Variants in MCF2L observed in about 807,000 individuals in gnomAD.
MCF2L encodes the protein guanine nucleotide exchange factor DBS.
Under a neutral mutation model 153.4 loss-of-function variants are expected in MCF2L, and 97 were observed. That is an observed-to-expected ratio of 0.63 (90% CI 0.54 to 0.75). The LOEUF (loss-of-function observed/expected upper bound fraction) is 0.75, where lower values mean the gene tolerates loss of function less well. Among genes scored for constraint, MCF2L ranks in the 30% least tolerant of loss-of-function variants. The pLI, the probability that MCF2L is intolerant of heterozygous loss-of-function variation, is 0.00. For synonymous variants in MCF2L, 659 were observed against 632.2 expected (o/e 1.04, Z -0.64); for missense variants, 1,347 against 1,495.2 (o/e 0.90, Z 1.64).
rs1247704927 is a variant in MCF2L, at chr13:113,050,289, A to AGTGTGAGTGT, written c.369+4933_369+4934insAGTGTGTGTG. Reference sequence around the variant, plus strand: ...ATGTGTGTGAGACTGTGAGTGTGAGAGTGTGTGTGTGTGAGAGTGAGTGTG... The same window carrying AGTGTGAGTGT: ...ATGTGTGTGAGACTGTGAGTGTGAGAGTGTGAGTGTGTGTGTGTGTGTGAGAGTGAGTGTG... On this transcript the variant is annotated intron_variant, in intron 4 of 29. Coordinates refer to ENST00000535094, the MANE Select transcript of MCF2L (RefSeq NM_001112732.3). Among the ~76,000 whole-genome samples the AGTGTGAGTGT allele has an allele frequency of 6.0e-5, 9 of 149,804 alleles. No individual in the cohort carries two copies. In the East Asian group the frequency reaches 7.9e-4, roughly 13 times the overall value.
chr13:113,024,572 C>G lies in MCF2L; in HGVS notation c.164-72C>G, dbSNP rs138167522. On this transcript the variant is annotated intron_variant, in intron 2 of 29. Coordinates refer to ENST00000535094, the MANE Select transcript of MCF2L (RefSeq NM_001112732.3). ...CTGAAATACTGGGTGCTGATGAAAA[C>G]GGGCCGACATCTGTGGAACCCCCGG... is the stretch of plus-strand genomic sequence containing the variant. 4.2e-4 allele frequency: 375 copies of G among 895,014 alleles called. No homozygotes were observed. The African/African-American group carries it at 5.6e-3, about 13-fold the overall frequency. The allele number at this position is 895,014 out of a possible 1,614,324, so 55.4% of individuals were successfully genotyped here.
intron 1 of MCF2L, among the ~76,000 whole-genome samples, chr13:113,005,557 TGTGGTCTGTTTGTGGTGGCC>T (rs1001081400): frequency 6.6e-6 from 1 of 151,810 alleles, no homozygotes; most frequent in Non-Finnish European, 1.5e-5. Flanking sequence ...TCTGGGTGGC[TGTGGTCTGTTTGTGGTGGCC>T]GTGGTCTGTT....
intron 26 of MCF2L, among the ~76,000 whole-genome samples, chr13:113,091,392 A>G (rs1332037998): frequency 6.6e-6 from 1 of 151,928 alleles, no homozygotes; most frequent in African/African-American, 2.4e-5. Flanking sequence ...CTCTCAGCCA[A>G]CTCCTCACAG....
At chr13:113,057,329 G>A (rs2141698850) in intron 4 of MCF2L, among the ~76,000 whole-genome samples, 1 of 148,344 alleles carries the variant, frequency 6.7e-6, no homozygotes, top group African/African-American at 2.5e-5. Context: ...GCACTGAGTG[G>A]GTGCTGAGTG....
chr13:112,913,551 G>T (rs772894775), intron 2 of MCF2L, among the ~76,000 whole-genome samples: 2 of 152,104 alleles, frequency 1.3e-5, no homozygotes, highest in Non-Finnish European at 2.9e-5. Flanking sequence ...AAAATGCCTC[G>T]GTGTGAGAGG....
rs2993295 is a variant in MCF2L, at chr13:113,013,418, G to A, written c.80-1345G>A. ...GCTTCCCCCCCAACACCAGGGTTGT[G>A]TCTGGCTCGGAGGCAAAGCAGTCCC... On this transcript the variant is annotated intron_variant, in intron 1 of 29. Coordinates refer to ENST00000535094, the MANE Select transcript of MCF2L (RefSeq NM_001112732.3). Among the ~76,000 whole-genome samples the A allele has an allele frequency of 2.0e-4, 31 of 152,058 alleles. No individual in the cohort carries two copies. The South Asian group carries it at 6.2e-3, about 31-fold the overall frequency.
At chr13:112,985,871 G>C (rs542957929) in intron 1 of MCF2L, among the ~76,000 whole-genome samples, 12 of 152,278 alleles carry the variant, frequency 7.9e-5, no homozygotes, top group African/African-American at 2.9e-4. Context: ...CGAACACTTT[G>C]CTGGTCCCCT....
chr13:113,013,067 C>T (rs1270570020), intron 1 of MCF2L, among the ~76,000 whole-genome samples: 1 of 152,126 alleles, frequency 6.6e-6, no homozygotes, highest in African/African-American at 2.4e-5. Context: ...GGTTTCCTCT[C>T]AGGTCACAGT....
intron 2 of MCF2L, among the ~76,000 whole-genome samples, chr13:112,949,725 G>A (rs974497451): frequency 3.3e-5 from 5 of 150,308 alleles, no homozygotes; most frequent in African/African-American, 1.2e-4. Flanking sequence ...GGACAGATAG[G>A]AGTAGAGGGG....
intron 5 of MCF2L, among the ~76,000 whole-genome samples, chr13:113,062,042 C>A (rs934639515): frequency 6.7e-6 from 1 of 150,206 alleles, no homozygotes; most frequent in African/African-American, 2.5e-5. Flanking sequence ...CTGCATGGCA[C>A]CCATGGGGCT....
chr13:113,005,044 G>A (rs927480302), intron 1 of MCF2L, among the ~76,000 whole-genome samples: 4 of 152,184 alleles, frequency 2.6e-5, no homozygotes, highest in East Asian at 1.9e-4. Flanking sequence ...AGAGCCACCC[G>A]CCCTCCAGAG....
In MCF2L at chr13:113,012,162, C is replaced by T. The variant is rs1279594525; in HGVS notation, c.80-2601C>T. Among the ~76,000 whole-genome samples, 4 of 83,464 alleles carry T rather than the reference C, an allele frequency of 4.8e-5. 1 individual carries two copies. The highest frequency in any genetic ancestry group is 8.8e-5 in the African/African-American group (2 of 22,738). The allele number at this position is 83,464 out of a possible 152,430, so 54.8% of individuals were successfully genotyped here. A position where few individuals can be genotyped will look rare whatever the true frequency, so the allele number is the denominator to read the frequency against. On this transcript the variant is annotated intron_variant, in intron 1 of 29. Transcript: ENST00000535094. ...AGTGTGGACGGTGGACACTGTGATG[C>T]GGACGGTGGACAGGCAGTGTGGATG...
rs540242901 is a variant in MCF2L at position 112,960,032 on chromosome 13, C to T, written c.170-54731C>T. ...GCTGCGGCAGAGGTGCCTGTGTCAC[C>T]GAGGTCCCTCGGTAACTTCAGGGCA... On this transcript the variant is annotated intron_variant, in intron 2 of 29. Coordinates refer to the MCF2L transcript ENST00000375608. This position sits in a 1 kb window ranked among gnomAD's most constrained non-coding sequence, Gnocchi z 4.2. 7.9e-5 allele frequency among the ~76,000 whole-genome samples: 12 copies of T among 152,356 alleles called. No homozygotes were observed. The highest frequency in any genetic ancestry group is 1.2e-4 in the African/African-American group (5 of 41,586).
chr13:113,004,578 C>T (rs1460578364), intron 1 of MCF2L, among the ~76,000 whole-genome samples: 2 of 152,230 alleles, frequency 1.3e-5, no homozygotes, highest in East Asian at 1.9e-4. Context: ...CCTGCATCAC[C>T]GGCTGAATTG....
intron 29 of MCF2L, 24 bp from the exon 30 acceptor site, chr13:113,096,750 C>T (rs776885636): frequency 1.3e-6 from 2 of 1,559,824 alleles, no homozygotes; most frequent in Non-Finnish European, 1.7e-6. Context: ...CGCCGAAGCC[C>T]GTCCCCGCCT....
At chr13:113,058,725 T>TGCTGTGGGC in intron 4 of MCF2L, among the ~76,000 whole-genome samples, 1 of 101,210 alleles carries the variant, frequency 9.9e-6, no homozygotes, top group South Asian at 3.5e-4. Flanking sequence ...ACTGAGTGGG[T>TGCTGTGGGC]GCTGTGTGGG....
At chr13:113,036,202 G>C (rs1247806031) in intron 3 of MCF2L, among the ~76,000 whole-genome samples, 1 of 152,216 alleles carries the variant, frequency 6.6e-6, no homozygotes, top group Non-Finnish European at 1.5e-5. Context: ...TGTTGCAGAA[G>C]CTCACAGAGG....
At chr13:113,029,416 A>G (rs1594746537) in intron 3 of MCF2L, among the ~76,000 whole-genome samples, 1 of 152,228 alleles carries the variant, frequency 6.6e-6, no homozygotes, top group Non-Finnish European at 1.5e-5. Context: ...TGCCTTCTTG[A>G]GAAGTGCAGA....
intron 1 of MCF2L, chr13:112,979,814 G>T (rs2082341931): frequency 1.3e-6 from 2 of 1,510,112 alleles, no homozygotes; most frequent in African/African-American, 1.4e-5. Flanking sequence ...CCCTCTGCAG[G>T]TGTCCTCTCT....
Sources: gnomAD v4.1 joint callset for allele counts (sites outside exome capture counted in the v4.1 genomes callset) on GRCh38, gnomAD v4.1.1 for gene constraint, Gnocchi (gnomAD v3.1) non-coding constraint, MANE v1.5 for transcripts, NCBI Gene and HGNC (gene_info 2026-07-23, HGNC 2026-07-21) for gene names.